Variants in VDAC1 observed in about 807,000 individuals in gnomAD.
VDAC1 encodes non-selective voltage-gated ion channel VDAC1.
In VDAC1, 10 loss-of-function variants were observed where a neutral mutation model predicts 34.7. The observed-to-expected ratio is 0.29, with a 90% CI of 0.18 to 0.49. The LOEUF (loss-of-function observed/expected upper bound fraction) is 0.49, where lower values mean the gene tolerates loss of function less well. VDAC1 is among the 20% of genes least tolerant of loss of function. VDAC1 has a pLI of 0.99. For missense variants in VDAC1, 230 were observed against 347.9 expected (o/e 0.66, Z 2.69); for synonymous variants, 130 against 136.0 (o/e 0.96, Z 0.30).
the VDAC1 span, among the ~76,000 whole-genome samples, chr5:134,015,347 C>T: frequency 1.2e-4 from 19 of 152,168 alleles, no homozygotes; most frequent in South Asian, 1.0e-3. Flanking sequence ...AATCTGCACA[C>T]GTAACCCCTG....
At chr5:134,033,959 TC>T in the VDAC1 span, among the ~76,000 whole-genome samples, 1 of 151,330 alleles carries the variant, frequency 6.6e-6, no homozygotes. Flanking sequence ...ACCACCGCAC[TC>T]CAGCCTGGGC....
chr5:134,075,975 T>A, the VDAC1 span, among the ~76,000 whole-genome samples: 1 of 151,838 alleles, frequency 6.6e-6, no homozygotes, highest in Non-Finnish European at 1.5e-5. Context: ...AACCCTCTCA[T>A]GGTTTTTTTG....
chr5:134,055,409 TTTTG>T, the VDAC1 span, among the ~76,000 whole-genome samples: 106 of 151,754 alleles, frequency 7.0e-4, no homozygotes, highest in African/African-American at 1.9e-3. Flanking sequence ...CAAGTGCTTA[TTTTG>T]TTTGTTTGTT....
chr5:134,098,576 C>G, the VDAC1 span, among the ~76,000 whole-genome samples: 3 of 152,216 alleles, frequency 2.0e-5, no homozygotes, highest in Admixed American at 6.5e-5. Flanking sequence ...ACAATGCTCC[C>G]CTCTCAACCT....
chr5:133,979,836 C>T (rs1468440276), intron 6 of VDAC1, among the ~76,000 whole-genome samples: 1 of 152,170 alleles, frequency 6.6e-6, no homozygotes, highest in African/African-American at 2.4e-5. Flanking sequence ...CCCCGAAACT[C>T]CCTCAGTCAC....
At chr5:134,021,660 CAGCTTAGAGTGT>C in the VDAC1 span, among the ~76,000 whole-genome samples, 2 of 151,910 alleles carry the variant, frequency 1.3e-5, no homozygotes, top group African/African-American at 4.8e-5. Context: ...AAGAAATTTC[CAGCTTAGAGTGT>C]AGAAATGGGA....
At chr5:134,055,351 G>A in the VDAC1 span, among the ~76,000 whole-genome samples, 179 of 152,260 alleles carry the variant, frequency 1.2e-3, no homozygotes, top group Non-Finnish European at 1.2e-3. Context: ...TGTCTCAGGC[G>A]TGCACAAATA....
At chr5:133,998,187 T>G (rs1462042347) in intron 1 of VDAC1, among the ~76,000 whole-genome samples, 1 of 152,206 alleles carries the variant, frequency 6.6e-6, no homozygotes, top group African/African-American at 2.4e-5. Flanking sequence ...TCTTTCTATG[T>G]TCATGAATGG....
chr5:133,989,851 A>G (rs924291892), intron 5 of VDAC1, among the ~76,000 whole-genome samples: 2 of 151,944 alleles, frequency 1.3e-5, no homozygotes, highest in Non-Finnish European at 2.9e-5. Context: ...TAGTAGAGAC[A>G]GGGTTTCTCC....
the VDAC1 span, among the ~76,000 whole-genome samples, chr5:134,059,781 A>G: frequency 6.6e-6 from 1 of 151,510 alleles, no homozygotes; most frequent in South Asian, 2.1e-4. Context: ...ACTGATTCTC[A>G]GCAACAGCAA....
chr5:134,086,023 T>C, the VDAC1 span, among the ~76,000 whole-genome samples: 2 of 152,130 alleles, frequency 1.3e-5, no homozygotes, highest in Non-Finnish European at 2.9e-5. Context: ...TGAAACCCTG[T>C]GTCTACTAAA....
At chr5:134,052,276 C>T in the VDAC1 span, among the ~76,000 whole-genome samples, 5 of 152,124 alleles carry the variant, frequency 3.3e-5, no homozygotes, top group East Asian at 1.9e-4. Context: ...TGGTACAAAA[C>T]GCAGGTTTAA....
intron 1 of VDAC1, among the ~76,000 whole-genome samples, chr5:133,996,287 C>T (rs1338720266): frequency 6.6e-6 from 1 of 152,192 alleles, no homozygotes; most frequent in Non-Finnish European, 1.5e-5. Context: ...GCAAGTCACA[C>T]CAGGATACAG....
chr5:134,059,637 T>C, the VDAC1 span, among the ~76,000 whole-genome samples: 1 of 152,202 alleles, frequency 6.6e-6, no homozygotes. Context: ...TTGGGCATCC[T>C]TGTCCATGAC....
chr5:134,000,653 G>T (rs1753514070), intron 1 of VDAC1, among the ~76,000 whole-genome samples: 1 of 152,090 alleles, frequency 6.6e-6, no homozygotes. Flanking sequence ...ATGTGACTTT[G>T]GGCAAGTCGC....
the VDAC1 span, among the ~76,000 whole-genome samples, chr5:134,076,004 G>A: frequency 6.6e-6 from 1 of 151,296 alleles, no homozygotes; most frequent in African/African-American, 2.4e-5. Flanking sequence ...TTTTTGAGAT[G>A]GAGTCTCCCT....
At chr5:134,068,257 T>C in the VDAC1 span, among the ~76,000 whole-genome samples, 1 of 152,218 alleles carries the variant, frequency 6.6e-6, no homozygotes, top group Non-Finnish European at 1.5e-5. Context: ...TGTTGTTTTA[T>C]ACACAAGGAT....
chr5:134,027,808 T>C, the VDAC1 span, among the ~76,000 whole-genome samples: 1 of 149,118 alleles, frequency 6.7e-6, no homozygotes, highest in Non-Finnish European at 1.5e-5. Context: ...CTCGCTCTTG[T>C]CACCCGGGCT....
the VDAC1 span, among the ~76,000 whole-genome samples, chr5:134,065,452 T>C: frequency 4.0e-5 from 6 of 151,164 alleles, no homozygotes; most frequent in African/African-American, 1.5e-4. Context: ...GTAATTCTCC[T>C]GCTTCAGCCT....
Sources: allele counts gnomAD v4.1 joint callset (sites outside exome capture counted in the v4.1 genomes callset), GRCh38; gene constraint gnomAD v4.1.1; transcripts MANE v1.5; gene names NCBI Gene and HGNC (gene_info 2026-07-23, HGNC 2026-07-21).